EHBP1: variants seen among roughly 807,000 people sequenced by gnomAD.
EHBP1 encodes EH domain binding protein 1.
In EHBP1, 55 loss-of-function variants were observed where a neutral mutation model predicts 144.0. The ratio of observed to expected loss-of-function variants is 0.38; its 90% CI spans 0.31 to 0.48. The LOEUF is 0.48. Ranked by LOEUF, EHBP1 falls within the 20% of genes least tolerant of loss-of-function variation. The pLI is 0.98. For synonymous variants in EHBP1, 469 were observed against 472.7 expected, an observed-to-expected ratio of 0.99 and a Z score of 0.10; for missense variants, 1,200 against 1,364.2, an observed-to-expected ratio of 0.88 and a Z score of 1.90.
At chr2:62,827,192 A>G (rs1303971840) in intron 6 of EHBP1, among the ~76,000 whole-genome samples, 1 of 152,246 alleles carries the variant, frequency 6.6e-6, no homozygotes, top group Non-Finnish European at 1.5e-5. Context: ...ACTCATCTAC[A>G]TGGCAACACA....
chr2:62,784,304 A>G (rs1311563089), intron 5 of EHBP1, among the ~76,000 whole-genome samples: 3 of 152,214 alleles, frequency 2.0e-5, no homozygotes, highest in African/African-American at 4.8e-5. Flanking sequence ...ATTTTTTTAT[A>G]AAGGAGACCA....
chr2:62,843,282 T>A (rs2048050887), intron 7 of EHBP1, among the ~76,000 whole-genome samples: 3 of 152,236 alleles, frequency 2.0e-5, no homozygotes. Flanking sequence ...CTTCATTCTC[T>A]CTGGCTTATC....
intron 7 of EHBP1, among the ~76,000 whole-genome samples, chr2:62,837,356 G>A (rs1367445791): frequency 2.1e-5 from 3 of 145,758 alleles, no homozygotes; most frequent in South Asian, 2.3e-4. Context: ...ACATGGAAAG[G>A]AACAACCGGT....
At chr2:62,716,311 G>T (rs1371230110) in intron 2 of EHBP1, among the ~76,000 whole-genome samples, 1 of 152,144 alleles carries the variant, frequency 6.6e-6, no homozygotes, top group Admixed American at 6.5e-5. Context: ...CCACCCAACA[G>T]AATCCATGAC....
At chr2:63,003,361 G>A (rs140161324) in intron 19 of EHBP1, among the ~76,000 whole-genome samples, 18 of 152,112 alleles carry the variant, frequency 1.2e-4, no homozygotes, top group African/African-American at 3.6e-4. Context: ...TTTTTATTAC[G>A]TAGTCCCTAG....
At position 62,990,799 on chromosome 2, in the gene EHBP1, G is replaced by T. The variant is rs1356052649; in HGVS notation, c.2692G>T (p.Ala898Ser). 1 of 1,613,776 alleles carries T rather than the reference G, an allele frequency of 6.2e-7. No homozygotes were observed. Among genetic ancestry groups the T allele is most frequent in the African/African-American group, 1.3e-5 (1 of 75,030 alleles). Residue 898 changes from alanine (A) to serine (S), a missense_variant, in exon 16 of 23, where the codon GCC becomes TCC. By Grantham distance (99) the Ala-to-Ser change is moderately conservative (BLOSUM62 1). Coordinates refer to ENST00000431489, the MANE Select transcript of EHBP1 (RefSeq NM_001142616.3). Reference sequence around the variant, plus strand: ...GGTGGCAAATTCACCCTCCAGTGCTGCCCAGAAAGCTGTAACTGAGAGCTC... The same window carrying T: ...GGTGGCAAATTCACCCTCCAGTGCTTCCCAGAAAGCTGTAACTGAGAGCTC... ...PQVANSPSSA[A>S]QKAVTESSEQ... is the part of the protein sequence containing the mutation.
chr2:63,030,001 G>A (rs2061165208), intron 19 of EHBP1, among the ~76,000 whole-genome samples: 1 of 152,126 alleles, frequency 6.6e-6, no homozygotes, highest in Non-Finnish European at 1.5e-5. Context: ...AAAGTGCTGG[G>A]ATTACAGGCA....
chr2:63,037,426 A>G, intron 19 of EHBP1, 109 bp from the exon 20 acceptor site: 1 of 671,884 alleles, frequency 1.5e-6, no homozygotes, highest in East Asian at 2.9e-5. Context: ...TTTAATATAT[A>G]GTATTAGAAT....
chr2:62,785,094 A>T (rs977748956), intron 5 of EHBP1, among the ~76,000 whole-genome samples: 2 of 152,028 alleles, frequency 1.3e-5, no homozygotes, highest in African/African-American at 4.8e-5. Context: ...ACATATATGT[A>T]CCTGTGAACA....
intron 7 of EHBP1, among the ~76,000 whole-genome samples, chr2:62,851,581 T>C (rs1446668985): frequency 6.6e-6 from 1 of 152,186 alleles, no homozygotes; most frequent in Non-Finnish European, 1.5e-5. Context: ...TCTGTCCCAC[T>C]AAAATATAAA....
chr2:62,683,908 A>G (rs1293991890), intron 1 of EHBP1, among the ~76,000 whole-genome samples: 2 of 152,134 alleles, frequency 1.3e-5, no homozygotes, highest in Non-Finnish European at 2.9e-5. Context: ...AGGCTCACCC[A>G]CCATGGATGA....
chr2:62,785,030 AC>A (rs2042706629), intron 5 of EHBP1, among the ~76,000 whole-genome samples: 1 of 151,542 alleles, frequency 6.6e-6, no homozygotes. Flanking sequence ...TACCTTTCAA[AC>A]TTTTTTTTAC....
intron 9 of EHBP1, among the ~76,000 whole-genome samples, chr2:62,865,371 A>G (rs2049957739): frequency 6.6e-6 from 1 of 152,246 alleles, no homozygotes; most frequent in African/African-American, 2.4e-5. Context: ...TGATTTGATA[A>G]GAAGACTTGT....
At chr2:62,902,226 G>A (rs757812191) in intron 10 of EHBP1, among the ~76,000 whole-genome samples, 8 of 151,980 alleles carry the variant, frequency 5.3e-5, no homozygotes, top group Non-Finnish European at 1.2e-4. Flanking sequence ...GAATAAATAC[G>A]ATTAAGGTAT....
intron 15 of EHBP1, among the ~76,000 whole-genome samples, chr2:62,982,568 C>G (rs1343777381): frequency 6.6e-6 from 1 of 151,970 alleles, no homozygotes; most frequent in East Asian, 1.9e-4. Context: ...TAGTAGGAAT[C>G]CTCAGGTCTG....
chr2:62,925,916 T>G (rs1300707493), intron 10 of EHBP1, among the ~76,000 whole-genome samples: 1 of 152,222 alleles, frequency 6.6e-6, no homozygotes, highest in Admixed American at 6.5e-5. Context: ...AGAATTTATA[T>G]GAACCCACAA....
chr2:62,901,668 AAAAAAG>A (rs2053426961), intron 10 of EHBP1, among the ~76,000 whole-genome samples: 1 of 152,068 alleles, frequency 6.6e-6, no homozygotes, highest in South Asian at 2.1e-4. Context: ...GTTTAAAAAA[AAAAAAG>A]AAAAAGAAAG....
intron 2 of EHBP1, among the ~76,000 whole-genome samples, chr2:62,728,774 A>G (rs1381786449): frequency 6.6e-6 from 1 of 151,558 alleles, no homozygotes; most frequent in African/African-American, 2.4e-5. Flanking sequence ...TAATATGTCT[A>G]TTTTTTATTT....
intron 10 of EHBP1, chr2:62,940,102 C>T: frequency 2.3e-6 from 1 of 429,032 alleles, no homozygotes; most frequent in Admixed American, 2.4e-5. Flanking sequence ...GGGATGCCTA[C>T]CAAGACTTTG....
Sources: gnomAD v4.1 joint callset for allele counts (sites outside exome capture counted in the v4.1 genomes callset) on GRCh38, gnomAD v4.1.1 for gene constraint, MANE v1.5 for transcripts, NCBI Gene and HGNC (gene_info 2026-07-23, HGNC 2026-07-21) for gene names.